TMCO4: variants seen among roughly 807,000 people sequenced by gnomAD.
TMCO4 encodes the protein transmembrane and coiled-coil domain-containing protein 4.
In TMCO4, 58 loss-of-function variants were observed where a neutral mutation model predicts 64.7. The ratio of observed to expected loss-of-function variants is 0.90; its 90% CI spans 0.73 to 1.12. The LOEUF (loss-of-function observed/expected upper bound fraction) is 1.12. TMCO4 is among the 50% of genes most tolerant of loss of function. TMCO4 has a pLI of 0.00. For synonymous variants in TMCO4, 325 were observed against 346.1 expected (o/e 0.94, Z 0.68); for missense variants, 780 against 825.9 (o/e 0.94, Z 0.68).
rs758925169 is a variant in TMCO4 at position 19,771,321 on chromosome 1, G to T, written c.341C>A (p.Thr114Lys). The change falls in exon 5 of 16, where the codon ACG becomes AAG. Residue 114 changes from threonine (T) to lysine (K), a missense_variant. By Grantham distance (78) the Thr-to-Lys change is moderately conservative. Coordinates refer to ENST00000294543, the MANE Select transcript of TMCO4 (RefSeq NM_181719.7). ...LKDPILKDDP[T>K]VITQDLLSFS... ...TGTTGGGTGTACCTGAGTGATCACC[G>T]TCGGGTCGTCCTTCAAGATGGGGTC... 6.2e-7 allele frequency: 1 copy of T among 1,614,022 alleles called. No homozygotes were observed. The highest frequency in any genetic ancestry group is 1.7e-5 in the Admixed American group (1 of 60,022).
chr1:19,733,623 T>C (rs764601295), intron 13 of TMCO4, among the ~76,000 whole-genome samples: 5 of 152,128 alleles, frequency 3.3e-5, no homozygotes, highest in Non-Finnish European at 5.9e-5. Flanking sequence ...CCCTTCCATA[T>C]AGGGGCCTCA....
rs1040712987 is a variant in TMCO4, at chr1:19,734,522, G to A, written c.1264+2850C>T. On this transcript the variant is annotated intron_variant, in intron 13 of 15. Coordinates refer to ENST00000294543, the MANE Select transcript of TMCO4 (RefSeq NM_181719.7). This position sits in a 1 kb window ranked among gnomAD's most constrained non-coding sequence, Gnocchi z 4.4. ...AAGACCTCAATCTTTCCCCAGCGTT[G>A]AACCAGTTGTTTCCAACTCCTTAGC... Among the ~76,000 whole-genome samples the A allele has an allele frequency of 6.6e-6, 1 of 152,116 alleles. No homozygotes were observed. Among genetic ancestry groups the A allele is most frequent in the African/African-American group, 2.4e-5 (1 of 41,420 alleles).
chr1:19,719,178 C>G (rs992884128), intron 13 of TMCO4, among the ~76,000 whole-genome samples: 5 of 152,174 alleles, frequency 3.3e-5, no homozygotes, highest in South Asian at 2.1e-4. Context: ...GGTTTGTAAG[C>G]TCTAGCCCTG....
chr1:19,738,088 G>C (rs560975591), intron 12 of TMCO4: 4 of 152,338 alleles, frequency 2.6e-5, no homozygotes, highest in African/African-American at 9.6e-5. Context: ...GGGGTGTTTG[G>C]GTACAAGCTT....
At position 19,682,762 on chromosome 1, in the gene TMCO4, C is replaced by T; in HGVS notation, c.*278G>A. ...ACAGTTGGTTTCCGGTCCTGGGACT[C>T]TAACCTGTGCTTGGTTGACTCTGCA... On this transcript the variant is annotated 3_prime_UTR_variant, in exon 16 of 16. Transcript: ENST00000294543. 1.4e-6 allele frequency: 1 copy of T among 719,246 alleles called. No homozygotes were observed. The highest frequency in any genetic ancestry group is 2.6e-6 in the Non-Finnish European group (1 of 386,718). The allele number at this position is 719,246 out of a possible 1,614,324, so 44.6% of individuals were successfully genotyped here.
chr1:19,712,606 C>T (rs1378416011), intron 13 of TMCO4, among the ~76,000 whole-genome samples: 5 of 141,080 alleles, frequency 3.5e-5, no homozygotes, highest in South Asian at 2.2e-4. Context: ...GGCAACAGAG[C>T]GAGACTCCGT....
chr1:19,740,517 A>C (rs566321977), intron 11 of TMCO4, among the ~76,000 whole-genome samples: 1 of 152,266 alleles, frequency 6.6e-6, no homozygotes, highest in African/African-American at 2.4e-5. Flanking sequence ...TATTACAGTA[A>C]ACATCCCATG....
Position 19,752,979 on chromosome 1 carries a change from G to C in TMCO4, c.515+2655C>G, listed in dbSNP as rs1171443519. Reference sequence around the variant, plus strand: ...TTTAATTGTAATTTTTTTTTTTTGAGATGGAGTTTCACTCTTGTTGCCCAG... The same window carrying C: ...TTTAATTGTAATTTTTTTTTTTTGACATGGAGTTTCACTCTTGTTGCCCAG... On this transcript the variant is annotated intron_variant, in intron 7 of 15. Transcript: ENST00000294543. Among the ~76,000 whole-genome samples the C allele has an allele frequency of 3.3e-5, 5 of 150,450 alleles. No homozygotes were observed. In the East Asian group the frequency reaches 9.7e-4, roughly 29 times the overall value.
intron 13 of TMCO4, among the ~76,000 whole-genome samples, chr1:19,703,522 CTTCTT>C (rs757533943): frequency 1.3e-5 from 2 of 149,848 alleles, no homozygotes; most frequent in African/African-American, 2.5e-5. Context: ...TCCCTCCCTC[CTTCTT>C]TTCTTTTCTT....
intron 2 of TMCO4, among the ~76,000 whole-genome samples, chr1:19,791,328 TAAAA>T (rs58253103): frequency 0.031 from 4,666 of 151,056 alleles, 234 homozygotes; most frequent in African/African-American, 0.11. Context: ...AAATTAAAAT[TAAAA>T]TTAAAAAAAA....
chr1:19,790,930 T>C (rs1280241960), intron 2 of TMCO4, among the ~76,000 whole-genome samples: 1 of 152,100 alleles, frequency 6.6e-6, no homozygotes, highest in Non-Finnish European at 1.5e-5. Flanking sequence ...GATGATAGAT[T>C]GGATAAAGAA....
chr1:19,729,761 T>G (rs1258780503), intron 13 of TMCO4, among the ~76,000 whole-genome samples: 2 of 151,896 alleles, frequency 1.3e-5, no homozygotes, highest in African/African-American at 2.4e-5. Flanking sequence ...TGAGACTGTC[T>G]CAAAAAATAA....
At chr1:19,735,630 C>G (rs923559006) in intron 13 of TMCO4, among the ~76,000 whole-genome samples, 1 of 152,152 alleles carries the variant, frequency 6.6e-6, no homozygotes, top group African/African-American at 2.4e-5. Context: ...AGCTGAGAGT[C>G]GACCTCACTT....
At chr1:19,690,122 T>A (rs1284498059) in intron 15 of TMCO4, among the ~76,000 whole-genome samples, 1 of 152,200 alleles carries the variant, frequency 6.6e-6, no homozygotes, top group Admixed American at 6.5e-5. Context: ...ACTCATCCCC[T>A]CTCTGCAAAA....
intron 15 of TMCO4, among the ~76,000 whole-genome samples, chr1:19,691,108 TCTGCCCGCCTTGGCCTCC>T (rs2095190791): frequency 6.6e-6 from 1 of 152,146 alleles, no homozygotes; most frequent in African/African-American, 2.4e-5. Flanking sequence ...GACCTCGTGA[TCTGCCCGCCTTGGCCTCC>T]CAAAGTGCTG....
At chr1:19,767,119 C>T (rs1299386716) in intron 6 of TMCO4, among the ~76,000 whole-genome samples, 4 of 152,184 alleles carry the variant, frequency 2.6e-5, no homozygotes, top group Admixed American at 2.0e-4. Flanking sequence ...TTCCCTAATT[C>T]CTGAGGGTAA....
At chr1:19,714,558 G>A (rs1176960503) in intron 13 of TMCO4, among the ~76,000 whole-genome samples, 2 of 152,104 alleles carry the variant, frequency 1.3e-5, no homozygotes, top group African/African-American at 4.8e-5. Context: ...CATCTTTACA[G>A]CTACTCATAC....
At chr1:19,735,184 C>T (rs1005478068) in intron 13 of TMCO4, among the ~76,000 whole-genome samples, 1 of 152,212 alleles carries the variant, frequency 6.6e-6, no homozygotes, top group Non-Finnish European at 1.5e-5. Flanking sequence ...TCCCTGTGCA[C>T]AGTAGGTCCT....
At chr1:19,727,068 G>A (rs1033780029) in intron 13 of TMCO4, among the ~76,000 whole-genome samples, 2 of 152,240 alleles carry the variant, frequency 1.3e-5, no homozygotes, top group South Asian at 2.1e-4. Context: ...GTTCAGCCCC[G>A]GATGGGTTTC....
Sources: allele counts gnomAD v4.1 joint callset (sites outside exome capture counted in the v4.1 genomes callset), GRCh38; gene constraint gnomAD v4.1.1; non-coding constraint Gnocchi (gnomAD v3.1); transcripts MANE v1.5; gene names NCBI Gene and HGNC (gene_info 2026-07-23, HGNC 2026-07-21).